Variants in NELL2 observed in about 807,000 individuals in gnomAD.
The protein encoded by NELL2 is protein kinase C-binding protein NELL2.
A neutral mutation model predicts 109.6 loss-of-function variants in NELL2; 41 were observed. The observed-to-expected ratio is 0.37, with a 90% CI of 0.29 to 0.49. The LOEUF (loss-of-function observed/expected upper bound fraction) is 0.49. Ranked by LOEUF, NELL2 falls within the 20% of genes least tolerant of loss-of-function variation. The pLI is 0.98. For synonymous variants in NELL2, 355 were observed against 344.7 expected, an observed-to-expected ratio of 1.03 and a Z score of -0.33; for missense variants, 900 against 1,008.3, an observed-to-expected ratio of 0.89 and a Z score of 1.45.
At chr12:44,864,532 G>GCA (rs1944933351) in intron 2 of NELL2, among the ~76,000 whole-genome samples, 1 of 152,082 alleles carries the variant, frequency 6.6e-6, no homozygotes, top group Non-Finnish European at 1.5e-5. Flanking sequence ...AAATATAAAT[G>GCA]CACTTTACAT....
upstream of NELL2, among the ~76,000 whole-genome samples, chr12:44,917,698 C>T (rs1945838732): frequency 6.6e-6 from 1 of 152,180 alleles, no homozygotes; most frequent in Admixed American, 6.5e-5. Flanking sequence ...CATAAGGAAG[C>T]TTGTCCTGGG....
chr12:44,632,080 C>T (rs1946477023), intron 13 of NELL2, among the ~76,000 whole-genome samples: 1 of 151,960 alleles, frequency 6.6e-6, no homozygotes, highest in Admixed American at 6.6e-5. Context: ...AATTAGATGA[C>T]CATCTCAAAA....
chr12:44,775,559 G>T (rs1415193323), intron 8 of NELL2, among the ~76,000 whole-genome samples: 1 of 152,092 alleles, frequency 6.6e-6, no homozygotes, highest in Non-Finnish European at 1.5e-5. Flanking sequence ...TTTATAATTT[G>T]TATTCCACTG....
chr12:44,629,201 C>A (rs1264153963), intron 13 of NELL2, among the ~76,000 whole-genome samples: 1 of 152,038 alleles, frequency 6.6e-6, no homozygotes, highest in Non-Finnish European at 1.5e-5. Context: ...AATTTCAGTT[C>A]CAGCATTCTA....
chr12:44,836,202 G>A (rs188015820), intron 2 of NELL2, among the ~76,000 whole-genome samples: 190 of 152,310 alleles, frequency 1.2e-3, no homozygotes, highest in African/African-American at 4.5e-3. Flanking sequence ...CAGTCAGCAT[G>A]TAACAGCACG....
intron 2 of NELL2, among the ~76,000 whole-genome samples, chr12:44,873,881 C>T (rs558230591): frequency 6.6e-6 from 1 of 152,006 alleles, no homozygotes; most frequent in Non-Finnish European, 1.5e-5. Context: ...GCCCCACCCT[C>T]TTATAAAAGA....
chr12:44,913,059 T>C (rs1945797198), intron 1 of NELL2, among the ~76,000 whole-genome samples: 1 of 152,232 alleles, frequency 6.6e-6, no homozygotes, highest in Non-Finnish European at 1.5e-5. Context: ...GCATAATGTG[T>C]ATTTCTGTTA....
At chr12:44,539,743 T>G (rs751044296) in intron 15 of NELL2, among the ~76,000 whole-genome samples, 9 of 152,184 alleles carry the variant, frequency 5.9e-5, no homozygotes, top group Non-Finnish European at 1.2e-4. Context: ...TTAATGTTTA[T>G]CTCTAAGAGT....
At chr12:44,876,562 C>T (rs1242112714), upstream of NELL2, 1 of 1,487,540 alleles carries the variant, frequency 6.7e-7, no homozygotes. Flanking sequence ...GGATTGAAAG[C>T]TCTAAATCCA....
chr12:44,907,117 G>A (rs1165526539), intron 1 of NELL2, among the ~76,000 whole-genome samples: 1 of 151,934 alleles, frequency 6.6e-6, no homozygotes, highest in South Asian at 2.1e-4. Context: ...CCATGTGAAG[G>A]TTTGCTACTC....
intron 13 of NELL2, among the ~76,000 whole-genome samples, chr12:44,637,542 G>A (rs1388507833): frequency 7.2e-6 from 1 of 139,624 alleles, no homozygotes; most frequent in African/African-American, 2.7e-5. Context: ...CATTAAATTG[G>A]GTGGTCCCAG....
At chr12:44,616,567 G>A (rs1019701374) in intron 13 of NELL2, among the ~76,000 whole-genome samples, 1 of 152,044 alleles carries the variant, frequency 6.6e-6, no homozygotes, top group Non-Finnish European at 1.5e-5. Context: ...CCATAAAAGA[G>A]GTATGAATTG....
At chr12:44,870,660 C>T (rs77907511) in intron 2 of NELL2, among the ~76,000 whole-genome samples, 1 of 152,200 alleles carries the variant, frequency 6.6e-6, no homozygotes, top group Non-Finnish European at 1.5e-5. Context: ...GGCTTGTGGC[C>T]CACTATCACC....
At chr12:44,825,247 A>G (rs1943672044) in intron 2 of NELL2, among the ~76,000 whole-genome samples, 2 of 152,080 alleles carry the variant, frequency 1.3e-5, no homozygotes, top group South Asian at 4.1e-4. Flanking sequence ...TGAACACAGG[A>G]TATCTTTCCA....
intron 1 of NELL2, among the ~76,000 whole-genome samples, chr12:44,913,484 T>A (rs1023811590): frequency 3.3e-5 from 5 of 151,984 alleles, no homozygotes; most frequent in African/African-American, 9.7e-5. Context: ...CAAACTAGGG[T>A]TAAAAACAAA....
At chr12:44,733,028 T>A (rs1337383358) in intron 9 of NELL2, among the ~76,000 whole-genome samples, 2 of 151,926 alleles carry the variant, frequency 1.3e-5, no homozygotes, top group Admixed American at 1.3e-4. Flanking sequence ...GGATTGTCAT[T>A]ACCAAAAACA....
chr12:44,763,942 T>A (rs11182654), intron 9 of NELL2, among the ~76,000 whole-genome samples: 33,342 of 152,100 alleles, frequency 0.22, 3,912 homozygotes, highest in East Asian at 0.27. Context: ...AGTTTAATTT[T>A]GCATTGAGAC....
chr12:44,891,701 G>C (rs1228891088), intron 1 of NELL2, among the ~76,000 whole-genome samples: 1 of 152,036 alleles, frequency 6.6e-6, no homozygotes, highest in Non-Finnish European at 1.5e-5. Flanking sequence ...AAGCTCTACT[G>C]TAAGAACAGA....
intron 9 of NELL2, among the ~76,000 whole-genome samples, chr12:44,734,824 T>A (rs1939553760): frequency 6.6e-6 from 1 of 152,090 alleles, no homozygotes; most frequent in Non-Finnish European, 1.5e-5. Flanking sequence ...CTATCAATAC[T>A]CATTTAGGTT....
Sources: gnomAD v4.1 joint callset for allele counts (sites outside exome capture counted in the v4.1 genomes callset) on GRCh38, gnomAD v4.1.1 for gene constraint, MANE v1.5 for transcripts, NCBI Gene and HGNC (gene_info 2026-07-23, HGNC 2026-07-21) for gene names.